The following WWOX variants were observed in gnomAD, a reference collection of about 807,000 sequenced individuals.
WWOX encodes the protein WW domain-containing oxidoreductase.
A neutral mutation model predicts 46.2 loss-of-function variants in WWOX; 69 were observed. The ratio of observed to expected loss-of-function variants is 1.49; its 90% confidence interval spans 1.23 to 1.82. WWOX has a LOEUF of 1.82. Ranked by LOEUF, WWOX falls within the 40% of genes most tolerant of loss-of-function variation. The probability of loss-of-function intolerance (pLI) is 0.00; values close to 1 mark genes in which losing one functional copy is unlikely to be tolerated. For missense variants in WWOX, 919 were observed against 542.6 expected, an observed-to-expected ratio of 1.69 and a Z score of -6.89; for synonymous variants, 359 against 202.6, an observed-to-expected ratio of 1.77 and a Z score of -6.56.
intron 6 of WWOX, among the ~76,000 whole-genome samples, chr16:78,397,838 T>G (rs1056525911): frequency 1.3e-5 from 2 of 152,232 alleles, no homozygotes; most frequent in Non-Finnish European, 2.9e-5. Flanking sequence ...CAGCCAATTT[T>G]CTATCACCAA....
intron 8 of WWOX, among the ~76,000 whole-genome samples, chr16:78,818,434 C>A (rs1047818570): frequency 6.6e-6 from 1 of 152,230 alleles, no homozygotes; most frequent in African/African-American, 2.4e-5. Context: ...TAGGACAAGG[C>A]AGGCCCAGTT....
In WWOX at chr16:78,563,149, C is replaced by T. The variant is rs142711364; in HGVS notation, c.1056+130397C>T. On this transcript the variant is annotated intron_variant, in intron 8 of 8. Coordinates refer to ENST00000566780, the MANE Select transcript of WWOX (RefSeq NM_016373.4). ...AAGCTAGCCAAGAGCAGTGCGATTTCTCCAAAAGGATGTCTGCAATCAAGA... is the reference window on the plus strand; with the variant it reads ...AAGCTAGCCAAGAGCAGTGCGATTTTTCCAAAAGGATGTCTGCAATCAAGA... Among the ~76,000 whole-genome samples the T allele has an allele frequency of 5.8e-4, 88 of 152,236 alleles. 1 individual carries two copies. Among genetic ancestry groups the T allele is most frequent in the African/African-American group, 2.0e-3 (81 of 41,518 alleles).
rs2044840189 is a variant in WWOX, at chr16:78,575,071, A to ATATT, written c.1056+142322_1056+142323insTTAT. ...TATATATATATATATATATATATAT[A>ATATT]TATATATATATATATATATATATAT... On this transcript the variant is annotated intron_variant, in intron 8 of 8. Coordinates refer to ENST00000566780, the MANE Select transcript of WWOX (RefSeq NM_016373.4). Among the ~76,000 whole-genome samples the ATATT allele has an allele frequency of 7.0e-5, 2 of 28,492 alleles. 1 individual carries two copies. Among genetic ancestry groups the ATATT allele is most frequent in the African/African-American group, 2.4e-4 (2 of 8,326 alleles). The allele number at this position is 28,492 out of a possible 152,430, so 18.7% of individuals were successfully genotyped here. A position where few individuals can be genotyped will look rare whatever the true frequency, so the allele number is the denominator to read the frequency against.
intron 5 of WWOX, among the ~76,000 whole-genome samples, chr16:78,363,752 A>G (rs1362937745): frequency 6.6e-6 from 1 of 152,182 alleles, no homozygotes; most frequent in Non-Finnish European, 1.5e-5. Flanking sequence ...TCTGGAGTAG[A>G]TGTTAGCAAC....
At chr16:78,118,206 A>G (rs2032907796) in intron 4 of WWOX, among the ~76,000 whole-genome samples, 3 of 151,932 alleles carry the variant, frequency 2.0e-5, no homozygotes, top group Non-Finnish European at 4.4e-5. Flanking sequence ...CTGTCTTGTC[A>G]TCATTTTCCT....
intron 5 of WWOX, among the ~76,000 whole-genome samples, chr16:78,300,269 A>G (rs2080016149): frequency 6.6e-6 from 1 of 152,212 alleles, no homozygotes; most frequent in Admixed American, 6.5e-5. Flanking sequence ...TAGGTTAAAT[A>G]GTTTGTCTCC....
intron 5 of WWOX, among the ~76,000 whole-genome samples, chr16:78,321,023 A>C (rs1479371586): frequency 6.6e-6 from 1 of 152,154 alleles, no homozygotes; most frequent in African/African-American, 2.4e-5. Flanking sequence ...CACCTTAACC[A>C]ATAGCCTCAC....
In WWOX at chr16:78,099,701, T is replaced by C; in HGVS notation, c.-78T>C. 2.1e-6 allele frequency: 3 copies of C among 1,463,190 alleles called. No individual in the cohort carries two copies. The highest frequency in any genetic ancestry group is 2.8e-5 in the South Asian group (2 of 71,654). The allele number at this position is 1,463,190 out of a possible 1,614,324, so 90.6% of individuals were successfully genotyped here. ...CGGGCCCCGACGCGCGCGGGTCTCG[T>C]TTGGAGCGGGAGTGAGTTCCTGAGC... On this transcript the variant is annotated 5_prime_UTR_variant, in exon 1 of 9. Coordinates refer to ENST00000566780, the MANE Select transcript of WWOX (RefSeq NM_016373.4).
chr16:78,972,562 G>A (rs181134145), intron 8 of WWOX, among the ~76,000 whole-genome samples: 5 of 151,656 alleles, frequency 3.3e-5, no homozygotes, highest in Admixed American at 6.6e-5. Context: ...CAAATTTACC[G>A]TCATCAGCAG....
chr16:78,777,106 C>A (rs1001808986), intron 8 of WWOX, among the ~76,000 whole-genome samples: 4 of 152,138 alleles, frequency 2.6e-5, no homozygotes, highest in Non-Finnish European at 5.9e-5. Context: ...AGAAAAGTTT[C>A]AGTGATTATT....
chr16:78,177,489 ATT>A (rs2035389344), intron 5 of WWOX, among the ~76,000 whole-genome samples: 1 of 152,182 alleles, frequency 6.6e-6, no homozygotes, highest in African/African-American at 2.4e-5. Context: ...AGGAGAAAGT[ATT>A]GGTGGACTGT....
At position 79,023,886 on chromosome 16, in the gene WWOX, G is replaced by A. The variant is rs1243220576; in HGVS notation, c.1057-187722G>A. On this transcript the variant is annotated intron_variant, in intron 8 of 8. Coordinates refer to ENST00000566780, the MANE Select transcript of WWOX (RefSeq NM_016373.4). ...CAGGAGAATCACTTAAAGTCAGGAG[G>A]CAGAGGTTGCAGTGAGACAAGATTG... Among the ~76,000 whole-genome samples the A allele has an allele frequency of 3.9e-5, 6 of 152,088 alleles. No individual in the cohort carries two copies. In the East Asian group the frequency reaches 1.2e-3, roughly 29 times the overall value.
intron 8 of WWOX, among the ~76,000 whole-genome samples, chr16:78,908,541 G>GAA (rs111272074): frequency 0.53 from 77,822 of 145,836 alleles, 23,408 homozygotes; most frequent in Non-Finnish European, 0.69. Context: ...CTCTGTCTCG[G>GAA]AAAAAAAAAA....
At chr16:78,374,978 G>T (rs369134787) in intron 5 of WWOX, among the ~76,000 whole-genome samples, 30 of 152,110 alleles carry the variant, frequency 2.0e-4, no homozygotes, top group African/African-American at 7.2e-4. Flanking sequence ...GAGCCACTGC[G>T]CCTGTCTACA....
At chr16:79,011,778 C>T (rs571253557) in intron 8 of WWOX, among the ~76,000 whole-genome samples, 9 of 152,124 alleles carry the variant, frequency 5.9e-5, no homozygotes, top group South Asian at 2.1e-4. Context: ...CAGGCATGAG[C>T]CACCATGCCC....
At chr16:78,428,226 T>C (rs1294361848) in intron 7 of WWOX, among the ~76,000 whole-genome samples, 1 of 152,204 alleles carries the variant, frequency 6.6e-6, no homozygotes, top group Non-Finnish European at 1.5e-5. Flanking sequence ...AAGACATAAT[T>C]GTTTGGCTTT....
intron 1 of WWOX, among the ~76,000 whole-genome samples, chr16:78,103,300 C>T (rs2031925365): frequency 1.3e-5 from 2 of 149,220 alleles, no homozygotes; most frequent in African/African-American, 2.5e-5. Context: ...GATACATGTG[C>T]AGGATGTGCA....
At chr16:79,075,306 G>A (rs1254571070) in intron 8 of WWOX, among the ~76,000 whole-genome samples, 17 of 152,044 alleles carry the variant, frequency 1.1e-4, no homozygotes, top group Non-Finnish European at 2.2e-4. Context: ...AATCATACAT[G>A]TATGTTCAAG....
At chr16:79,173,850 AAAAG>A (rs993166552) in intron 8 of WWOX, among the ~76,000 whole-genome samples, 12 of 152,206 alleles carry the variant, frequency 7.9e-5, no homozygotes, top group Non-Finnish European at 4.4e-5. Flanking sequence ...GAACTATATT[AAAAG>A]AAAGATGGAT....
Sources: gnomAD v4.1 joint callset for allele counts (sites outside exome capture counted in the v4.1 genomes callset) on GRCh38, gnomAD v4.1.1 for gene constraint, MANE v1.5 for transcripts, NCBI Gene and HGNC (gene_info 2026-07-23, HGNC 2026-07-21) for gene names.